Variants in NCKAP1 observed in about 807,000 individuals in gnomAD.
NCKAP1 encodes the protein nck-associated protein 1.
In NCKAP1, 21 loss-of-function variants were observed where a neutral mutation model predicts 151.2. The observed-to-expected ratio is 0.14, with a 90% confidence interval of 0.10 to 0.20. The LOEUF (loss-of-function observed/expected upper bound fraction) is 0.20, where lower values mean the gene tolerates loss of function less well. Ranked by LOEUF, NCKAP1 falls within the 10% of genes least tolerant of loss-of-function variation. The pLI is 1.00. For synonymous variants in NCKAP1, 484 were observed against 451.8 expected, an observed-to-expected ratio of 1.07 and a Z score of -0.90; for missense variants, 933 against 1,352.1, an observed-to-expected ratio of 0.69 and a Z score of 4.86.
At chr2:182,933,569 T>A (rs1282807222) in intron 26 of NCKAP1, among the ~76,000 whole-genome samples, 1 of 151,832 alleles carries the variant, frequency 6.6e-6, no homozygotes, top group Non-Finnish European at 1.5e-5. Context: ...AATTTTGTAT[T>A]TTTAGTAGAG....
intron 23 of NCKAP1, among the ~76,000 whole-genome samples, chr2:182,946,592 G>C (rs1436700136): frequency 1.3e-5 from 2 of 150,670 alleles, no homozygotes; most frequent in Non-Finnish European, 3.0e-5. Flanking sequence ...ACGTAAAATA[G>C]AAGTTGGAAA....
chr2:182,942,032 T>G lies in NCKAP1; in HGVS notation c.2695+38A>C, dbSNP rs374943438. The G allele has an allele frequency of 5.7e-5, 86 of 1,508,552 alleles. 3 individuals are homozygous for G. Among genetic ancestry groups the G allele is most frequent in the Admixed American group, 4.3e-4 (23 of 53,756 alleles). 93.4% of individuals were successfully genotyped at this position (1,508,552 alleles called of 1,614,324 possible). ...CAAAGCTAAATACTGAGTATCAAGA[T>G]CTTCTTATGTTTATAAAAAGTATCA... On this transcript the variant is annotated intron_variant, in intron 24 of 30. Coordinates refer to ENST00000361354, the MANE Select transcript of NCKAP1 (RefSeq NM_013436.5).
At chr2:182,944,172 ATT>A (rs1379349058) in intron 23 of NCKAP1, among the ~76,000 whole-genome samples, 1 of 152,200 alleles carries the variant, frequency 6.6e-6, no homozygotes, top group Admixed American at 6.5e-5. Context: ...CTATAAAGTT[ATT>A]GATTAATCTC....
chr2:182,932,640 A>T (rs908545206), intron 26 of NCKAP1, among the ~76,000 whole-genome samples: 1 of 151,892 alleles, frequency 6.6e-6, no homozygotes, highest in African/African-American at 2.4e-5. Context: ...AAAGCTGTTT[A>T]AAAACATGTT....
At chr2:182,927,855 G>A (rs1239077369) in intron 29 of NCKAP1, among the ~76,000 whole-genome samples, 2 of 151,806 alleles carry the variant, frequency 1.3e-5, no homozygotes, top group Non-Finnish European at 2.9e-5. Flanking sequence ...AGAGACTTCC[G>A]AGTCTAAGGG....
chr2:182,914,819 G>A lies in NCKAP1; in HGVS notation c.*10883C>T, dbSNP rs1223650791. ...TTGGTAGAGATGCGCTTTGTGTAAT[G>A]TTGGGAGCAAGTAATGATTTTTCCT... On this transcript the variant is annotated 3_prime_UTR_variant, in exon 31 of 31. Transcript: ENST00000361354. 1.3e-5 allele frequency: 2 copies of A among 152,246 alleles called. No individual in the cohort carries two copies. The highest frequency in any genetic ancestry group is 2.9e-5 in the Non-Finnish European group (2 of 68,058). The allele number at this position is 152,246 out of a possible 1,614,324, so 9.4% of individuals were successfully genotyped here.
rs551740172 is a variant in NCKAP1 at position 182,944,287 on chromosome 2, TAA to T, written c.2602-2126_2602-2125del. 2.9e-4 allele frequency among the ~76,000 whole-genome samples: 44 copies of T among 152,016 alleles called. No homozygotes were observed. The South Asian group carries it at 4.2e-3, about 14-fold the overall frequency. The stretch of plus-strand genomic sequence containing the variant: ...AAGTGAAATAAATCAAGATTTTTTT[TAA>T]AAAAAAGTTTGATATAATTTAGTTG... On this transcript the variant is annotated intron_variant, in intron 23 of 30. Coordinates refer to ENST00000361354, the MANE Select transcript of NCKAP1 (RefSeq NM_013436.5).
chr2:183,011,127 T>C (rs973287929), intron 2 of NCKAP1, among the ~76,000 whole-genome samples: 2 of 152,250 alleles, frequency 1.3e-5, no homozygotes, highest in African/African-American at 2.4e-5. Context: ...TTGCTCCTGA[T>C]GAGAGTTCCT....
rs1473853276 is a variant in NCKAP1, at chr2:182,918,865, T to C, written c.*6837A>G. On this transcript the variant is annotated 3_prime_UTR_variant, in exon 31 of 31. Transcript: ENST00000361354. ...TTAAAACATTAATTAAAAAATGCTA[T>C]TGGTTAGAAAAGTCCACACTCACAT... is the stretch of plus-strand genomic sequence containing the variant. The C allele has an allele frequency of 5.9e-5, 9 of 152,174 alleles. No individual in the cohort carries two copies. The highest frequency in any genetic ancestry group is 9.7e-5 in the African/African-American group (4 of 41,438). The allele number at this position is 152,174 out of a possible 1,614,324, so 9.4% of individuals were successfully genotyped here.
chr2:182,952,679 A>T, intron 22 of NCKAP1, 114 bp downstream of exon 22: 1 of 1,186,252 alleles, frequency 8.4e-7, no homozygotes, highest in Non-Finnish European at 1.2e-6. Context: ...ATATGCAGTT[A>T]CGCATATAAT....
intron 1 of NCKAP1, among the ~76,000 whole-genome samples, chr2:183,030,496 T>C (rs1412897517): frequency 6.6e-6 from 1 of 152,090 alleles, no homozygotes; most frequent in Admixed American, 6.5e-5. Context: ...ATGAACAAGA[T>C]CTCAGGAGTC....
rs906357150 is a variant in NCKAP1, at chr2:182,922,896, C to G, written c.*2806G>C. The G allele has an allele frequency of 1.3e-5, 2 of 152,318 alleles. No individual in the cohort carries two copies. Among genetic ancestry groups the G allele is most frequent in the African/African-American group, 4.8e-5 (2 of 41,552 alleles). The allele number at this position is 152,318 out of a possible 1,614,324, so 9.4% of individuals were successfully genotyped here. A position where few individuals can be genotyped will look rare whatever the true frequency, so the allele number is the denominator to read the frequency against. On this transcript the variant is annotated 3_prime_UTR_variant, in exon 31 of 31. Transcript: ENST00000361354. Reference sequence around the variant, plus strand: ...GGGCGTAGTGGCGGGCGCCTGTAATCTCAGCTACTCAGGAGGCTGAGATGG... The same window carrying G: ...GGGCGTAGTGGCGGGCGCCTGTAATGTCAGCTACTCAGGAGGCTGAGATGG...
chr2:182,954,268 TTC>T, intron 20 of NCKAP1, among the ~76,000 whole-genome samples: 1 of 139,524 alleles, frequency 7.2e-6, no homozygotes, highest in East Asian at 2.2e-4. Flanking sequence ...TATAAAACAG[TTC>T]TGTTTATATC....
At chr2:182,958,056 T>C (rs77123402) in intron 18 of NCKAP1, among the ~76,000 whole-genome samples, 3,195 of 152,310 alleles carry the variant, frequency 0.021, 107 homozygotes, top group African/African-American at 0.068. Context: ...GGAAGGGCCT[T>C]GAATGCCAAG....
Position 182,962,188 on chromosome 2 carries a change from A to G in NCKAP1, c.1852T>C (p.Cys618Arg). Residue 618 changes from cysteine to arginine, a missense_variant, in exon 18 of 31, where the codon TGC becomes CGC. Cys to Arg is a radical substitution (Grantham distance 180). Transcript: ENST00000361354. ...KQARNLITDICTEQCTLSDQL... is the reference protein window; with the variant it reads ...KQARNLITDIRTEQCTLSDQL... ...TCACTAAGGGTACACTGTTCTGTGC[A>G]AATATCAGTGATGAGATTTCGAGCT... The G allele has an allele frequency of 6.2e-7, 1 of 1,613,140 alleles. No homozygotes were observed. Among genetic ancestry groups the G allele is most frequent in the Non-Finnish European group, 8.5e-7 (1 of 1,179,388 alleles).
intron 20 of NCKAP1, among the ~76,000 whole-genome samples, chr2:182,955,844 A>T (rs1169516666): frequency 2.0e-5 from 3 of 152,042 alleles, no homozygotes; most frequent in Non-Finnish European, 4.4e-5. Flanking sequence ...AACCTAATAA[A>T]CTGATTTCAT....
intron 15 of NCKAP1, among the ~76,000 whole-genome samples, chr2:182,975,947 A>G (rs940506551): frequency 2.6e-5 from 4 of 152,132 alleles, no homozygotes; most frequent in African/African-American, 9.7e-5. Context: ...AAAAAGACAA[A>G]AATAAATAGC....
rs866049025 is a variant in NCKAP1 at position 182,989,701 on chromosome 2, G to A, written c.791-515C>T. On this transcript the variant is annotated intron_variant, in intron 8 of 30. Transcript: ENST00000361354. ...CACTCCAGCCTGGGTGACAGACCCTGTCTCAAAAAAAATTTTTTTTTAATG... is the reference window on the plus strand; with the variant it reads ...CACTCCAGCCTGGGTGACAGACCCTATCTCAAAAAAAATTTTTTTTTAATG... Among the ~76,000 whole-genome samples, 10 of 151,994 alleles carry A rather than the reference G, an allele frequency of 6.6e-5. No homozygotes were observed. The South Asian group carries it at 1.9e-3, about 28-fold the overall frequency.
intron 27 of NCKAP1, among the ~76,000 whole-genome samples, chr2:182,929,719 T>G (rs987853255): frequency 1.3e-5 from 2 of 149,702 alleles, no homozygotes; most frequent in Admixed American, 1.3e-4. Flanking sequence ...TGACTAAATG[T>G]AACATACTGT....
Sources: allele counts gnomAD v4.1 joint callset (sites outside exome capture counted in the v4.1 genomes callset), GRCh38; gene constraint gnomAD v4.1.1; transcripts MANE v1.5; gene names NCBI Gene and HGNC (gene_info 2026-07-23, HGNC 2026-07-21).